CCDC85A: variants seen among roughly 807,000 people sequenced by gnomAD.
CCDC85A encodes the protein coiled-coil domain-containing protein 85A.
In CCDC85A, 38 loss-of-function variants were observed where a neutral mutation model predicts 50.2. That is an observed-to-expected ratio of 0.76 (90% CI 0.58 to 0.99). The LOEUF is 0.99. CCDC85A is among the 50% of genes least tolerant of loss of function. CCDC85A has a pLI of 0.00. For missense variants in CCDC85A, 820 were observed against 742.0 expected (o/e 1.11, Z -1.22); for synonymous variants, 366 against 301.4 (o/e 1.21, Z -2.22).
chr2:56,257,000 C>T (rs1670011266), intron 2 of CCDC85A, among the ~76,000 whole-genome samples: 1 of 151,852 alleles, frequency 6.6e-6, no homozygotes, highest in African/African-American at 2.4e-5. Flanking sequence ...ATAGGGGGAA[C>T]ATTCAACTGA....
intron 3 of CCDC85A, among the ~76,000 whole-genome samples, chr2:56,355,323 A>C (rs557585414): frequency 1.1e-4 from 17 of 152,330 alleles, no homozygotes; most frequent in African/African-American, 4.1e-4. Flanking sequence ...AGGAATACTC[A>C]CTGTTGGTCA....
chr2:56,272,638 A>G (rs1670747177), intron 2 of CCDC85A, among the ~76,000 whole-genome samples: 1 of 152,078 alleles, frequency 6.6e-6, no homozygotes, highest in South Asian at 2.1e-4. Context: ...GAAAACCAGA[A>G]GATTCAGTAA....
At chr2:56,358,309 G>C (rs1260116313) in intron 3 of CCDC85A, among the ~76,000 whole-genome samples, 1 of 152,174 alleles carries the variant, frequency 6.6e-6, no homozygotes, top group East Asian at 1.9e-4. Context: ...AGTTGGGAAG[G>C]TCTTGTCCTT....
chr2:56,335,587 G>A (rs1674031257), intron 2 of CCDC85A, among the ~76,000 whole-genome samples: 1 of 148,236 alleles, frequency 6.7e-6, no homozygotes, highest in Non-Finnish European at 1.5e-5. Context: ...AAGACAGCAA[G>A]AGGGGGCCAA....
At chr2:56,287,816 C>G (rs1671513733) in intron 2 of CCDC85A, among the ~76,000 whole-genome samples, 1 of 152,192 alleles carries the variant, frequency 6.6e-6, no homozygotes, top group Admixed American at 6.5e-5. Flanking sequence ...TAGCACCCAG[C>G]ATACAACATT....
chr2:56,239,404 C>T (rs1034307397), intron 2 of CCDC85A, among the ~76,000 whole-genome samples: 5 of 152,012 alleles, frequency 3.3e-5, no homozygotes, highest in African/African-American at 1.2e-4. Flanking sequence ...TAACAAATTA[C>T]TCTGTAGGGT....
intron 2 of CCDC85A, among the ~76,000 whole-genome samples, chr2:56,236,581 C>A (rs1179565223): frequency 6.6e-6 from 1 of 152,096 alleles, no homozygotes; most frequent in Non-Finnish European, 1.5e-5. Flanking sequence ...TTATGAGAAT[C>A]CATTTTTATT....
At chr2:56,306,894 T>G (rs904763188) in intron 2 of CCDC85A, among the ~76,000 whole-genome samples, 1 of 152,194 alleles carries the variant, frequency 6.6e-6, no homozygotes, top group African/African-American at 2.4e-5. Flanking sequence ...GTTAATTTTT[T>G]TTTTCTAGCT....
At chr2:56,350,859 A>T (rs1360047450) in intron 3 of CCDC85A, among the ~76,000 whole-genome samples, 3 of 132,450 alleles carry the variant, frequency 2.3e-5, no homozygotes, top group Non-Finnish European at 4.9e-5. Context: ...TATTTATTTT[A>T]TTATTATTAT....
intron 2 of CCDC85A, among the ~76,000 whole-genome samples, chr2:56,281,472 G>A (rs1345195684): frequency 6.6e-6 from 1 of 152,132 alleles, no homozygotes; most frequent in Non-Finnish European, 1.5e-5. Flanking sequence ...GGGTAGGTGT[G>A]TATTGAACTT....
intron 2 of CCDC85A, among the ~76,000 whole-genome samples, chr2:56,314,526 T>C (rs888038684): frequency 3.9e-5 from 6 of 152,152 alleles, no homozygotes; most frequent in Admixed American, 2.0e-4. Flanking sequence ...CCCCCATCAT[T>C]GCCAAGATTT....
intron 2 of CCDC85A, among the ~76,000 whole-genome samples, chr2:56,220,923 T>C (rs977205444): frequency 6.6e-6 from 1 of 152,042 alleles, no homozygotes; most frequent in African/African-American, 2.4e-5. Context: ...GATTGGCTCT[T>C]AAATGGTCTC....
intron 2 of CCDC85A, among the ~76,000 whole-genome samples, chr2:56,222,631 T>C (rs1005661411): frequency 6.6e-6 from 1 of 152,132 alleles, no homozygotes; most frequent in Non-Finnish European, 1.5e-5. Context: ...TTAATGTCTT[T>C]GTAAATCTGT....
chr2:56,351,002 C>T (rs1428886173), intron 3 of CCDC85A, among the ~76,000 whole-genome samples: 1 of 89,526 alleles, frequency 1.1e-5, no homozygotes, highest in Non-Finnish European at 2.1e-5. Context: ...TCCCTCCCCC[C>T]TCCCCCCACC....
intron 2 of CCDC85A, among the ~76,000 whole-genome samples, chr2:56,316,008 G>A (rs1573238617): frequency 6.6e-6 from 1 of 152,098 alleles, no homozygotes; most frequent in South Asian, 2.1e-4. Context: ...GTGAAATTCT[G>A]TAGGCCAGCT....
At chr2:56,193,543 C>T in intron 2 of CCDC85A, 103 bp downstream of exon 2, 1 of 1,319,236 alleles carries the variant, frequency 7.6e-7, no homozygotes, top group Non-Finnish European at 1.0e-6. Flanking sequence ...CAGGCGCTAG[C>T]TAGGGAGTGG....
At chr2:56,242,833 T>A (rs1025360506) in intron 2 of CCDC85A, among the ~76,000 whole-genome samples, 14 of 152,136 alleles carry the variant, frequency 9.2e-5, no homozygotes, top group Non-Finnish European at 1.9e-4. Flanking sequence ...TCAAGAAATT[T>A]TTGCCAGTCC....
chr2:56,378,738 T>C (rs1020251012), intron 5 of CCDC85A, among the ~76,000 whole-genome samples: 1 of 152,218 alleles, frequency 6.6e-6, no homozygotes, highest in African/African-American at 2.4e-5. Flanking sequence ...AAGGTCCCAC[T>C]TCATGCTTAA....
intron 2 of CCDC85A, among the ~76,000 whole-genome samples, chr2:56,216,224 A>G (rs574293179): frequency 6.6e-6 from 1 of 152,030 alleles, no homozygotes; most frequent in Admixed American, 6.6e-5. Flanking sequence ...GCATCTAAGC[A>G]TGTATACCTT....
Sources: allele counts gnomAD v4.1 joint callset (sites outside exome capture counted in the v4.1 genomes callset), GRCh38; gene constraint gnomAD v4.1.1; transcripts MANE v1.5; gene names NCBI Gene and HGNC (gene_info 2026-07-23, HGNC 2026-07-21).